Variants in TMEM165 observed in about 807,000 individuals in gnomAD.
The protein encoded by TMEM165 is putative divalent cation/proton antiporter TMEM165.
A neutral mutation model predicts 30.0 loss-of-function variants in TMEM165; 19 were observed. That is an observed-to-expected ratio of 0.63 (90% CI 0.44 to 0.93). TMEM165 has a LOEUF of 0.93. Among genes scored for constraint, TMEM165 ranks in the 40% least tolerant of loss-of-function variants. The pLI is 0.00. For synonymous variants in TMEM165, 168 were observed against 162.9 expected (o/e 1.03, Z -0.24); for missense variants, 340 against 417.0 (o/e 0.82, Z 1.61).
chr4:55,432,405 G>C (rs1026455209), intron 3 of TMEM165: 2 of 149,070 alleles, frequency 1.3e-5, no homozygotes, highest in African/African-American at 4.9e-5. Flanking sequence ...AAACTCAGTA[G>C]TTTCTTACCT....
At chr4:55,451,679 G>A (rs1724467706) in intron 3 of TMEM165, among the ~76,000 whole-genome samples, 2 of 152,180 alleles carry the variant, frequency 1.3e-5, no homozygotes, top group Non-Finnish European at 2.9e-5. Context: ...GAAAAAGAAG[G>A]ATAATTAATC....
intron 1 of TMEM165, 133 bp from the exon 2 acceptor site, chr4:55,411,481 C>T (rs944358931): frequency 1.8e-5 from 14 of 765,546 alleles, no homozygotes; most frequent in Non-Finnish European, 2.9e-5. Flanking sequence ...TGATGGCTTT[C>T]AGAGTGATTA....
chr4:55,438,202 A>G, intron 3 of TMEM165: 1 of 1,517,726 alleles, frequency 6.6e-7, no homozygotes, highest in East Asian at 2.3e-5. Context: ...CACATCACTC[A>G]CAAATCTGTT....
intron 1 of TMEM165, among the ~76,000 whole-genome samples, chr4:55,404,177 A>ATT (rs768783408): frequency 5.0e-5 from 7 of 140,726 alleles, no homozygotes; most frequent in South Asian, 4.5e-4. Context: ...ACGCCTGGCT[A>ATT]TTTTTTTTTT....
intron 3 of TMEM165, among the ~76,000 whole-genome samples, chr4:55,446,086 A>G (rs552410793): frequency 6.8e-6 from 1 of 146,148 alleles, no homozygotes; most frequent in Admixed American, 7.2e-5. Flanking sequence ...CACTTACTGG[A>G]AAAAAATTTA....
intron 3 of TMEM165, chr4:55,444,866 A>G: frequency 7.1e-7 from 1 of 1,408,704 alleles, no homozygotes. Flanking sequence ...AAAAGTAAGC[A>G]GTATAACATG....
At chr4:55,450,488 C>G (rs1414235043) in intron 3 of TMEM165, among the ~76,000 whole-genome samples, 1 of 152,152 alleles carries the variant, frequency 6.6e-6, no homozygotes, top group Non-Finnish European at 1.5e-5. Flanking sequence ...TAACTCAAGA[C>G]CAGGTGTGGT....
At chr4:55,442,556 G>C in intron 3 of TMEM165, 2 of 1,611,716 alleles carry the variant, frequency 1.2e-6, no homozygotes, top group Admixed American at 1.7e-5. Flanking sequence ...GTGTTATACA[G>C]TGGGGCTGTA....
chr4:55,444,248 T>G (rs1427940982), intron 3 of TMEM165, among the ~76,000 whole-genome samples: 1 of 152,170 alleles, frequency 6.6e-6, no homozygotes, highest in Non-Finnish European at 1.5e-5. Context: ...TGCTGGTTGG[T>G]CATATAAGAC....
chr4:55,406,554 T>G (rs1312630620), intron 1 of TMEM165, among the ~76,000 whole-genome samples: 1 of 152,242 alleles, frequency 6.6e-6, no homozygotes, highest in African/African-American at 2.4e-5. Flanking sequence ...ATTTTCTATA[T>G]TAGTGTATAG....
exon 4 of TMEM165, chr4:55,452,822 G>C (rs1724584835): frequency 2.5e-6 from 1 of 399,598 alleles, no homozygotes; most frequent in African/African-American, 2.0e-5. Flanking sequence ...GTACATCACT[G>C]GGAATAAATG....
chr4:55,415,061 A>C (rs1305453536), intron 2 of TMEM165, among the ~76,000 whole-genome samples: 10 of 152,214 alleles, frequency 6.6e-5, no homozygotes. Flanking sequence ...CCTCTTCCTC[A>C]TCAAAATTTC....
At chr4:55,400,272 A>AATATAATATTAT (rs1553884920) in intron 1 of TMEM165, among the ~76,000 whole-genome samples, 7 of 83,176 alleles carry the variant, frequency 8.4e-5, no homozygotes, top group Admixed American at 7.7e-4. Flanking sequence ...TATAATATAT[A>AATATAATATTAT]ATATAATATT....
rs1722181604 is a variant in TMEM165 at position 55,426,005 on chromosome 4, T to G, written c.*553T>G. 6.6e-6 allele frequency: 1 copy of G among 152,114 alleles called. No homozygotes were observed. The highest frequency in any genetic ancestry group is 2.1e-4 in the South Asian group (1 of 4,820). 9.4% of individuals were successfully genotyped at this position (152,114 alleles called of 1,614,324 possible). Reference sequence around the variant, plus strand: ...ACAAGAACTGTCTGCCAGGTCATTCTTCCTCTTTTTTTTTTAATTGGGTAG... The same window carrying G: ...ACAAGAACTGTCTGCCAGGTCATTCGTCCTCTTTTTTTTTTAATTGGGTAG... On this transcript the variant is annotated 3_prime_UTR_variant, in exon 6 of 6. Coordinates refer to ENST00000381334, the MANE Select transcript of TMEM165 (RefSeq NM_018475.5).
chr4:55,422,456 C>G (rs1471136735), intron 4 of TMEM165, among the ~76,000 whole-genome samples: 1 of 152,028 alleles, frequency 6.6e-6, no homozygotes, highest in Non-Finnish European at 1.5e-5. Flanking sequence ...TGGGGTTTCA[C>G]CATGTTGTCC....
chr4:55,402,259 A>G (rs1721028813), intron 1 of TMEM165, among the ~76,000 whole-genome samples: 1 of 84,718 alleles, frequency 1.2e-5, no homozygotes, highest in Non-Finnish European at 2.6e-5. Context: ...TCTAATATAA[A>G]TTAACAAGTA....
At chr4:55,444,617 CA>C (rs1183807019) in intron 3 of TMEM165, 5 of 1,613,806 alleles carry the variant, frequency 3.1e-6, no homozygotes, top group Admixed American at 1.7e-5. Flanking sequence ...TGTTTGTATT[CA>C]AATATAACAA....
Position 55,396,137 on chromosome 4 carries a change from G to T in TMEM165, c.-53G>T. 2 of 1,312,590 alleles carry T rather than the reference G, an allele frequency of 1.5e-6. No individual in the cohort carries two copies. The highest frequency in any genetic ancestry group is 1.9e-6 in the Non-Finnish European group (2 of 1,039,434). The allele number at this position is 1,312,590 out of a possible 1,614,324, so 81.3% of individuals were successfully genotyped here. ...AGGCTGTTCGGGGTCGAGGCTTCCC[G>T]TCGCCGGCACTTCCTCTTGCGGCGC... On this transcript the variant is annotated 5_prime_UTR_variant, in exon 1 of 6. Transcript: ENST00000381334.
chr4:55,445,437 C>T (rs1723726995), intron 3 of TMEM165, among the ~76,000 whole-genome samples: 1 of 151,956 alleles, frequency 6.6e-6, no homozygotes, highest in African/African-American at 2.4e-5. Context: ...CCACATTTGC[C>T]CCAAGAAGAT....
Sources: gnomAD v4.1 joint callset for allele counts (sites outside exome capture counted in the v4.1 genomes callset) on GRCh38, gnomAD v4.1.1 for gene constraint, MANE v1.5 for transcripts, NCBI Gene and HGNC (gene_info 2026-07-23, HGNC 2026-07-21) for gene names.